Variants in DCLK2 observed in about 807,000 individuals in gnomAD.
The protein encoded by DCLK2 is doublecortin like kinase 2, also known as serine/threonine-protein kinase DCLK2.
In DCLK2, 31 loss-of-function variants were observed where a neutral mutation model predicts 78.4. The observed-to-expected ratio is 0.40, with a 90% CI of 0.30 to 0.53. The LOEUF (loss-of-function observed/expected upper bound fraction) is 0.53, where lower values mean the gene tolerates loss of function less well. Among genes scored for constraint, DCLK2 ranks in the 20% least tolerant of loss-of-function variants. DCLK2 has a pLI of 0.61. For synonymous variants in DCLK2, 407 were observed against 374.9 expected (o/e 1.09, Z -0.99); for missense variants, 872 against 973.7 (o/e 0.90, Z 1.39).
chr4:150,161,369 C>T (rs1735696555), intron 2 of DCLK2, among the ~76,000 whole-genome samples: 1 of 151,706 alleles, frequency 6.6e-6, no homozygotes, highest in African/African-American at 2.4e-5. Context: ...ATAGGCCTTC[C>T]CTCAAGAGCC....
At chr4:150,081,445 A>G (rs953833980) in intron 1 of DCLK2, among the ~76,000 whole-genome samples, 1 of 152,176 alleles carries the variant, frequency 6.6e-6, no homozygotes, top group Non-Finnish European at 1.5e-5. Flanking sequence ...GGGGATTTGG[A>G]AAAAACATTA....
At chr4:150,099,446 A>G (rs1730708248) in intron 1 of DCLK2, among the ~76,000 whole-genome samples, 1 of 152,250 alleles carries the variant, frequency 6.6e-6, no homozygotes, top group Non-Finnish European at 1.5e-5. Context: ...CCTTGTAGGC[A>G]AATCTATATA....
chr4:150,146,055 A>G (rs1014534994), intron 2 of DCLK2, among the ~76,000 whole-genome samples: 7 of 152,208 alleles, frequency 4.6e-5, no homozygotes, highest in Admixed American at 6.5e-5. Flanking sequence ...CCTCCTGTTC[A>G]TCTTTAAGTG....
chr4:150,157,654 A>G (rs1735406616), intron 2 of DCLK2, among the ~76,000 whole-genome samples: 1 of 152,024 alleles, frequency 6.6e-6, no homozygotes, highest in Non-Finnish European at 1.5e-5. Flanking sequence ...CTAGGCTTAT[A>G]GGCATGTACC....
intron 2 of DCLK2, among the ~76,000 whole-genome samples, chr4:150,180,921 C>T (rs1737463553): frequency 6.6e-6 from 1 of 152,140 alleles, no homozygotes; most frequent in Non-Finnish European, 1.5e-5. Flanking sequence ...GATCATAAGA[C>T]CCCCATTCCA....
At chr4:150,134,928 T>C (rs920480407) in intron 2 of DCLK2, among the ~76,000 whole-genome samples, 2 of 152,144 alleles carry the variant, frequency 1.3e-5, no homozygotes, top group African/African-American at 4.8e-5. Context: ...CCTCTCCCTT[T>C]TGATACTGTT....
chr4:150,234,632 T>G lies in DCLK2; in HGVS notation c.1566+1804T>G, dbSNP rs78024410. On this transcript the variant is annotated intron_variant, in intron 10 of 15. Coordinates refer to ENST00000296550, the MANE Select transcript of DCLK2 (RefSeq NM_001040260.4). ...TTTTCTTTTTGGTAATATCATTTGA[T>G]GATTTCTGAGTATCCATTTAAAAGT... 9.2e-5 allele frequency among the ~76,000 whole-genome samples: 14 copies of G among 152,354 alleles called. No individual in the cohort carries two copies. The East Asian group carries it at 2.7e-3, about 29-fold the overall frequency.
intron 8 of DCLK2, 122 bp from the exon 9 acceptor site, chr4:150,232,215 C>T: frequency 7.9e-7 from 1 of 1,268,968 alleles, no homozygotes; most frequent in Non-Finnish European, 1.1e-6. Context: ...GTCTTTGTGC[C>T]AAGAGCAATG....
At chr4:150,175,342 A>T (rs1736998112) in intron 2 of DCLK2, 1 of 150,724 alleles carries the variant, frequency 6.6e-6, no homozygotes, top group South Asian at 2.1e-4. Context: ...ACTTTCCACA[A>T]ACCATTTAGG....
At chr4:150,101,363 A>G (rs1730878369) in intron 1 of DCLK2, among the ~76,000 whole-genome samples, 2 of 152,198 alleles carry the variant, frequency 1.3e-5, no homozygotes, top group African/African-American at 2.4e-5. Context: ...CAGGATTTCA[A>G]GAACATTATG....
intron 2 of DCLK2, among the ~76,000 whole-genome samples, chr4:150,183,657 T>G (rs1204573887): frequency 6.6e-6 from 1 of 151,940 alleles, no homozygotes; most frequent in South Asian, 2.1e-4. Flanking sequence ...ATCCATAGAG[T>G]ATGAGATGGA....
chr4:150,215,181 A>T (rs1036542550), intron 5 of DCLK2, among the ~76,000 whole-genome samples: 2 of 152,186 alleles, frequency 1.3e-5, no homozygotes, highest in Non-Finnish European at 2.9e-5. Context: ...ACCAAAAAAA[A>T]CAATAAGCAC....
At chr4:150,217,124 ATC>A (rs765207823) in intron 5 of DCLK2, among the ~76,000 whole-genome samples, 6 of 152,198 alleles carry the variant, frequency 3.9e-5, no homozygotes, top group Non-Finnish European at 8.8e-5. Context: ...GCCATATTTG[ATC>A]TCTCTGGTAC....
intron 2 of DCLK2, among the ~76,000 whole-genome samples, chr4:150,183,458 G>GT (rs1351366058): frequency 1.3e-5 from 2 of 152,184 alleles, no homozygotes; most frequent in Non-Finnish European, 2.9e-5. Context: ...TGTAAGATCA[G>GT]TTTTTAGAGT....
intron 2 of DCLK2, among the ~76,000 whole-genome samples, chr4:150,175,109 T>TATATATA (rs1337141810): frequency 2.2e-5 from 2 of 88,962 alleles, no homozygotes; most frequent in African/African-American, 1.2e-4. Context: ...TATATTTATA[T>TATATATA]ATTTATATTT....
At position 150,079,005 on chromosome 4, in the gene DCLK2, C is replaced by T; in HGVS notation, c.-23C>T. The T allele has an allele frequency of 2.0e-6, 3 of 1,508,922 alleles. No individual in the cohort carries two copies. Among genetic ancestry groups the T allele is most frequent in the Middle Eastern group, 1.8e-4 (1 of 5,568 alleles). 93.5% of individuals were successfully genotyped at this position (1,508,922 alleles called of 1,614,324 possible). On this transcript the variant is annotated 5_prime_UTR_variant, in exon 1 of 16. Transcript: ENST00000296550. ...TTAGTCGGCCCGGAACGTCTTTTTG[C>T]GGACGCCCTCGGAGCAGCCGCGATG...
chr4:150,185,988 A>G (rs1022643543), intron 2 of DCLK2, among the ~76,000 whole-genome samples: 82 of 152,188 alleles, frequency 5.4e-4, no homozygotes, highest in African/African-American at 1.9e-3. Context: ...ATGTTTCCCC[A>G]TTAGATCCTA....
intron 4 of DCLK2, 94 bp downstream of exon 4, chr4:150,198,197 G>A: frequency 9.1e-7 from 1 of 1,099,672 alleles, no homozygotes; most frequent in South Asian, 1.9e-5. Context: ...TCTTTGCCAG[G>A]GTCGTATGCA....
At chr4:150,175,959 G>C (rs1440377343) in intron 2 of DCLK2, among the ~76,000 whole-genome samples, 1 of 152,184 alleles carries the variant, frequency 6.6e-6, no homozygotes, top group African/African-American at 2.4e-5. Flanking sequence ...ATCTTTGCCT[G>C]TGCTGTAAGC....
Sources: allele counts gnomAD v4.1 joint callset (sites outside exome capture counted in the v4.1 genomes callset), GRCh38; gene constraint gnomAD v4.1.1; transcripts MANE v1.5; gene names NCBI Gene and HGNC (gene_info 2026-07-23, HGNC 2026-07-21).